The following SRGAP2C variants were observed in gnomAD, a reference collection of about 807,000 sequenced individuals.
The protein encoded by SRGAP2C is SLIT-ROBO Rho GTPase activating protein 2C.
A neutral mutation model predicts 25.1 loss-of-function variants in SRGAP2C; 15 were observed. The observed-to-expected ratio is 0.60, with a 90% CI of 0.40 to 0.92. The LOEUF is 0.92. SRGAP2C is among the 40% of genes least tolerant of loss of function. SRGAP2C has a pLI of 0.00. For synonymous variants in SRGAP2C, 44 were observed against 96.6 expected (o/e 0.46, Z 3.19); for missense variants, 144 against 264.4 (o/e 0.54, Z 3.16).
At chr1:121,189,096 C>CTTTTTTTTTT (rs1172103186) in intron 2 of SRGAP2C, among the ~76,000 whole-genome samples, 3 of 29,062 alleles carry the variant, frequency 1.0e-4, no homozygotes, top group African/African-American at 2.1e-4. Context: ...CCAGATATGT[C>CTTTTTTTTTT]TTTTTTTTTT....
intron 3 of SRGAP2C, among the ~76,000 whole-genome samples, chr1:121,310,333 C>G (rs1184800504): frequency 2.7e-5 from 3 of 110,926 alleles, no homozygotes; most frequent in African/African-American, 1.2e-4. Flanking sequence ...AGCCCTTTGT[C>G]AGATGAGTAG....
At chr1:121,351,658 A>C (rs1369412775) in intron 4 of SRGAP2C, among the ~76,000 whole-genome samples, 3 of 150,038 alleles carry the variant, frequency 2.0e-5, no homozygotes, top group Non-Finnish European at 4.4e-5. Flanking sequence ...AATAACCAAA[A>C]AGTGGAAGCA....
chr1:121,222,299 CA>C (rs1655549241), intron 2 of SRGAP2C, among the ~76,000 whole-genome samples: 1 of 152,062 alleles, frequency 6.6e-6, no homozygotes, highest in Non-Finnish European at 1.5e-5. Flanking sequence ...TGCACTTTGC[CA>C]TTTATGTTAC....
At chr1:121,332,498 G>A in intron 4 of SRGAP2C, among the ~76,000 whole-genome samples, 1 of 151,684 alleles carries the variant, frequency 6.6e-6, no homozygotes, top group Non-Finnish European at 1.5e-5. Flanking sequence ...GGGAATGCAA[G>A]AAGAGTGCTG....
chr1:121,383,393 T>G (rs1659880234), intron 8 of SRGAP2C, among the ~76,000 whole-genome samples: 2 of 152,030 alleles, frequency 1.3e-5, no homozygotes, highest in Non-Finnish European at 2.9e-5. Flanking sequence ...AAGCGAGGGC[T>G]AGGTAGGGAA....
At chr1:121,328,168 T>C (rs1274516627) in intron 4 of SRGAP2C, among the ~76,000 whole-genome samples, 2 of 152,196 alleles carry the variant, frequency 1.3e-5, no homozygotes, top group African/African-American at 4.8e-5. Context: ...GGTGCTGATA[T>C]CTACAATGTC....
chr1:121,270,941 C>G (rs1383396339), intron 2 of SRGAP2C, among the ~76,000 whole-genome samples: 1 of 150,738 alleles, frequency 6.6e-6, no homozygotes, highest in Non-Finnish European at 1.5e-5. Flanking sequence ...TACAGGCGCC[C>G]GCCACCACGC....
At chr1:121,365,172 G>C (rs1166708180) in intron 4 of SRGAP2C, 121 bp from the exon 5 acceptor site, 1 of 340,744 alleles carries the variant, frequency 2.9e-6, no homozygotes, top group African/African-American at 3.6e-5. Flanking sequence ...TGATTTGCTG[G>C]GTTAAATAAT....
At chr1:121,264,727 G>A (rs1244221409) in intron 2 of SRGAP2C, among the ~76,000 whole-genome samples, 2 of 150,456 alleles carry the variant, frequency 1.3e-5, no homozygotes, top group Non-Finnish European at 3.0e-5. Flanking sequence ...TACTCCTACA[G>A]CATCGTCTTT....
intron 3 of SRGAP2C, among the ~76,000 whole-genome samples, chr1:121,322,913 G>T (rs1453117657): frequency 2.6e-5 from 4 of 152,178 alleles, no homozygotes; most frequent in Non-Finnish European, 5.9e-5. Flanking sequence ...GAGTCTGACT[G>T]GAGCGGGGAA....
intron 2 of SRGAP2C, among the ~76,000 whole-genome samples, chr1:121,278,206 C>G (rs1172354065): frequency 6.6e-6 from 1 of 151,962 alleles, no homozygotes; most frequent in Non-Finnish European, 1.5e-5. Flanking sequence ...CTCGGCTTCC[C>G]AAAGTCCTGG....
chr1:121,225,893 C>T (rs1214117939), intron 2 of SRGAP2C, among the ~76,000 whole-genome samples: 7 of 137,704 alleles, frequency 5.1e-5, no homozygotes, highest in African/African-American at 1.1e-4. Context: ...TTAGTAGAGA[C>T]GGGGTTTCAC....
chr1:121,271,535 G>A (rs1318404384), intron 2 of SRGAP2C, among the ~76,000 whole-genome samples: 2 of 151,704 alleles, frequency 1.3e-5, no homozygotes, highest in African/African-American at 4.8e-5. Context: ...AAGGAGCTGA[G>A]TGGTTTGAAG....
rs1659635637 is a variant in SRGAP2C, at chr1:121,375,976, T to G, written c.831+1022T>G. Among the ~76,000 whole-genome samples, 3 of 150,908 alleles carry G rather than the reference T, an allele frequency of 2.0e-5. No individual in the cohort carries two copies. In the South Asian group the frequency reaches 6.4e-4, roughly 32 times the overall value. On this transcript the variant is annotated intron_variant, in intron 7 of 9. Transcript: ENST00000367123. ...GAGGAAAGCGGTTAATAGGCACATGTGTTTTGCAAGGGGCAAGCGCAGAGA... is the reference window on the plus strand; with the variant it reads ...GAGGAAAGCGGTTAATAGGCACATGGGTTTTGCAAGGGGCAAGCGCAGAGA...
chr1:121,221,615 G>T (rs1570715672), intron 2 of SRGAP2C, among the ~76,000 whole-genome samples: 1 of 84,370 alleles, frequency 1.2e-5, no homozygotes, highest in Non-Finnish European at 2.3e-5. Context: ...GGAGGCTGAG[G>T]CAGGAGAGCT....
chr1:121,377,125 G>A (rs1323490471), intron 7 of SRGAP2C, among the ~76,000 whole-genome samples: 9 of 89,802 alleles, frequency 1.0e-4, no homozygotes, highest in South Asian at 3.2e-4. Flanking sequence ...AAAAAAAAAC[G>A]TCTGCTAAGA....
intron 3 of SRGAP2C, among the ~76,000 whole-genome samples, chr1:121,304,166 G>A (rs1343112373): frequency 1.0e-4 from 15 of 143,296 alleles, no homozygotes; most frequent in South Asian, 2.2e-4. Context: ...AGCCGAGATC[G>A]TGCCACTGCA....
intron 2 of SRGAP2C, among the ~76,000 whole-genome samples, chr1:121,271,148 A>G (rs1656947099): frequency 1.3e-5 from 2 of 150,620 alleles, no homozygotes; most frequent in Non-Finnish European, 3.0e-5. Context: ...CTTAACCACT[A>G]ATAAGTTTCA....
chr1:121,199,038 T>C (rs587763714), intron 2 of SRGAP2C, among the ~76,000 whole-genome samples: 10 of 152,318 alleles, frequency 6.6e-5, no homozygotes, highest in South Asian at 2.1e-4. Context: ...ATGATGATGA[T>C]GGTTAGCATT....
Sources: allele counts gnomAD v4.1 joint callset (sites outside exome capture counted in the v4.1 genomes callset), GRCh38; gene constraint gnomAD v4.1.1; transcripts MANE v1.5; gene names NCBI Gene and HGNC (gene_info 2026-07-23, HGNC 2026-07-21).